The following CCDC146 variants were observed in gnomAD, a reference collection of about 807,000 sequenced individuals.
The protein encoded by CCDC146 is coiled-coil domain-containing protein 146.
CCDC146 carries 92 observed loss-of-function variants against 119.3 expected under a neutral mutation model. The observed-to-expected ratio is 0.77, with a 90% CI of 0.65 to 0.92. The LOEUF (loss-of-function observed/expected upper bound fraction) is 0.92, where lower values mean the gene tolerates loss of function less well. CCDC146 is among the 40% of genes least tolerant of loss of function. CCDC146 has a pLI of 0.00. For synonymous variants in CCDC146, 372 were observed against 371.8 expected, an observed-to-expected ratio of 1.00 and a Z score of -0.01; for missense variants, 1,000 against 1,103.0, an observed-to-expected ratio of 0.91 and a Z score of 1.32.
intron 4 of CCDC146, among the ~76,000 whole-genome samples, chr7:77,250,467 G>GT (rs979238115): frequency 4.6e-5 from 7 of 152,160 alleles, no homozygotes; most frequent in East Asian, 1.9e-4. Flanking sequence ...TAGTTTGGTG[G>GT]TTTTTTCTCT....
chr7:77,268,509 G>A (rs545340101), intron 9 of CCDC146, among the ~76,000 whole-genome samples: 2 of 152,106 alleles, frequency 1.3e-5, no homozygotes, highest in Non-Finnish European at 1.5e-5. Flanking sequence ...CTCATTCTAG[G>A]AGCCTTACTC....
In CCDC146 at chr7:77,294,952, T is replaced by TAGAAGTATTATGC; in HGVS notation, c.*86_*87insAGAAGTATTATGC. 2 of 1,050,510 alleles carry TAGAAGTATTATGC rather than the reference T, an allele frequency of 1.9e-6. No individual in the cohort carries two copies. Among genetic ancestry groups the TAGAAGTATTATGC allele is most frequent in the Non-Finnish European group, 2.7e-6 (2 of 727,428 alleles). The allele number at this position is 1,050,510 out of a possible 1,614,324, so 65.1% of individuals were successfully genotyped here. On this transcript the variant is annotated 3_prime_UTR_variant, in exon 19 of 19. Transcript: ENST00000285871. ...CAGGTGAAAAATGTGAGCATAATAC[T>TAGAAGTATTATGC]TCTAATATTATTGATAAGTAAGGTA...
chr7:77,290,781 A>T lies in CCDC146; in HGVS notation c.2416-2171A>T, dbSNP rs1013535751. 4.6e-5 allele frequency among the ~76,000 whole-genome samples: 7 copies of T among 152,226 alleles called. 2 individuals are homozygous for T. The highest frequency in any genetic ancestry group is 4.6e-4 in the Admixed American group (7 of 15,278). On this transcript the variant is annotated intron_variant, in intron 17 of 18. Transcript: ENST00000285871. ...TATTACCTACCATTAAGGAGGCAAA[A>T]TTTGTGTATAATAATCAGTTATTAC...
chr7:77,206,393 G>T (rs1320038746), intron 2 of CCDC146, among the ~76,000 whole-genome samples: 1 of 152,116 alleles, frequency 6.6e-6, no homozygotes, highest in Non-Finnish European at 1.5e-5. Context: ...AAGGCAGGCA[G>T]ATCACTTGAG....
chr7:77,158,305 A>G (rs1056561489), intron 1 of CCDC146, among the ~76,000 whole-genome samples: 32 of 152,294 alleles, frequency 2.1e-4, no homozygotes, highest in Middle Eastern at 3.4e-3. Context: ...ATAAGTCTCT[A>G]GAATTACCAT....
At position 77,256,523 on chromosome 7, in the gene CCDC146, C is replaced by T. The variant is rs372441342; in HGVS notation, c.684+14C>T. The T allele has an allele frequency of 4.4e-5, 70 of 1,584,368 alleles. No homozygotes were observed. The highest frequency in any genetic ancestry group is 1.7e-4 in the Admixed American group (9 of 51,798). On this transcript the variant is annotated intron_variant, in intron 6 of 18. Coordinates refer to ENST00000285871, the MANE Select transcript of CCDC146 (RefSeq NM_020879.3). ...GTCGTCCTAAAGGTGTGCTACTTAC[C>T]GTTGATATTTAAACATTGTGCCTTG...
intron 2 of CCDC146, among the ~76,000 whole-genome samples, chr7:77,206,684 C>CACAT (rs1554352051): frequency 6.7e-6 from 1 of 150,334 alleles, no homozygotes; most frequent in East Asian, 1.9e-4. Flanking sequence ...CACACACACA[C>CACAT]ACACACATAC....
At position 77,196,857 on chromosome 7, in the gene CCDC146, C is replaced by A. The variant is rs1220925179; in HGVS notation, c.156+29033C>A. 6.2e-7 allele frequency: 1 copy of A among 1,613,908 alleles called. No homozygotes were observed. Among genetic ancestry groups the A allele is most frequent in the African/African-American group, 1.3e-5 (1 of 74,872 alleles). On this transcript the variant is annotated intron_variant, in intron 2 of 18. Transcript: ENST00000285871. This position sits in a 1 kb window ranked among gnomAD's most constrained non-coding sequence, Gnocchi z 4.2. ...GCCTGCAGCACTGTCCAGCCTCCCC[C>A]CATGGTCTCCATGTCACAGTAAACT...
chr7:77,179,039 A>G (rs1256234501), intron 2 of CCDC146, among the ~76,000 whole-genome samples: 1 of 152,204 alleles, frequency 6.6e-6, no homozygotes, highest in Non-Finnish European at 1.5e-5. Flanking sequence ...TCCATCTAGT[A>G]ACCAGACTTA....
At chr7:77,240,978 T>TTTTG (rs748192799) in intron 3 of CCDC146, among the ~76,000 whole-genome samples, 29 of 150,856 alleles carry the variant, frequency 1.9e-4, no homozygotes, top group East Asian at 1.6e-3. Context: ...TTTTGTTTTT[T>TTTTG]TTTGTTTGTT....
chr7:77,246,644 T>C (rs1307250556), intron 4 of CCDC146, among the ~76,000 whole-genome samples: 1 of 152,202 alleles, frequency 6.6e-6, no homozygotes, highest in East Asian at 1.9e-4. Flanking sequence ...CATAAAGATA[T>C]TGATATTTAT....
At chr7:77,217,458 A>T (rs1380146834) in intron 2 of CCDC146, among the ~76,000 whole-genome samples, 1 of 152,100 alleles carries the variant, frequency 6.6e-6, no homozygotes, top group Non-Finnish European at 1.5e-5. Context: ...CATTATAAAT[A>T]TATGTGAAAA....
intron 2 of CCDC146, among the ~76,000 whole-genome samples, chr7:77,217,624 T>C (rs1792325369): frequency 6.6e-6 from 1 of 151,834 alleles, no homozygotes; most frequent in African/African-American, 2.4e-5. Flanking sequence ...CATGTGTCAC[T>C]TAAGAAGGAT....
intron 1 of CCDC146, among the ~76,000 whole-genome samples, chr7:77,157,841 G>C (rs1348987584): frequency 6.6e-6 from 1 of 152,150 alleles, no homozygotes; most frequent in African/African-American, 2.4e-5. Context: ...TTATGTCTGT[G>C]ATTTTTTGAT....
At chr7:77,244,935 C>G (rs1792920388) in intron 4 of CCDC146, among the ~76,000 whole-genome samples, 1 of 152,224 alleles carries the variant, frequency 6.6e-6, no homozygotes, top group African/African-American at 2.4e-5. Context: ...TATTGAGTTT[C>G]TAGATAATAG....
intron 2 of CCDC146, among the ~76,000 whole-genome samples, chr7:77,235,996 G>A (rs756418460): frequency 3.2e-4 from 49 of 151,908 alleles, no homozygotes; most frequent in Non-Finnish European, 3.5e-4. Context: ...ACTTAAACCC[G>A]GGAGGCAGAG....
At chr7:77,127,193 T>C (rs928422399) in intron 1 of CCDC146, among the ~76,000 whole-genome samples, 13 of 152,096 alleles carry the variant, frequency 8.5e-5, no homozygotes, top group Non-Finnish European at 1.5e-4. Flanking sequence ...AGGGGCGGGA[T>C]TCCCCAGCTC....
intron 1 of CCDC146, among the ~76,000 whole-genome samples, chr7:77,147,634 G>A (rs2117436551): frequency 1.3e-5 from 2 of 152,312 alleles, no homozygotes; most frequent in South Asian, 2.1e-4. Context: ...TAACAGTCAG[G>A]ACCCTCAGCT....
chr7:77,156,728 A>G (rs1317468295), intron 1 of CCDC146, among the ~76,000 whole-genome samples: 1 of 152,200 alleles, frequency 6.6e-6, no homozygotes, highest in Non-Finnish European at 1.5e-5. Context: ...TTTTAGGACT[A>G]TTAAGTTAGT....
Sources: allele counts gnomAD v4.1 joint callset (sites outside exome capture counted in the v4.1 genomes callset), GRCh38; gene constraint gnomAD v4.1.1; non-coding constraint Gnocchi (gnomAD v3.1); transcripts MANE v1.5; gene names NCBI Gene and HGNC (gene_info 2026-07-23, HGNC 2026-07-21).